IL12RB2: variants seen among roughly 807,000 people sequenced by gnomAD.
IL12RB2 encodes the protein interleukin-12 receptor subunit beta-2.
In IL12RB2, 82 loss-of-function variants were observed where a neutral mutation model predicts 89.4. The observed-to-expected ratio is 0.92, with a 90% confidence interval of 0.77 to 1.10. The LOEUF (loss-of-function observed/expected upper bound fraction) is 1.10. Among genes scored for constraint, IL12RB2 ranks in the 50% least tolerant of loss-of-function variants. The pLI is 0.00. For missense variants in IL12RB2, 963 were observed against 1,031.9 expected (o/e 0.93, Z 0.92); for synonymous variants, 368 against 370.1 (o/e 0.99, Z 0.07).
chr1:67,367,574 G>A (rs952758463), intron 10 of IL12RB2, among the ~76,000 whole-genome samples: 1 of 151,920 alleles, frequency 6.6e-6, no homozygotes, highest in Non-Finnish European at 1.5e-5. Flanking sequence ...AGTAAAGAAA[G>A]AGAAAGGAAA....
intron 6 of IL12RB2, among the ~76,000 whole-genome samples, chr1:67,328,842 T>C (rs1657678822): frequency 6.6e-6 from 1 of 152,218 alleles, no homozygotes; most frequent in African/African-American, 2.4e-5. Context: ...AAGTCACAGA[T>C]GCATCTTGCT....
At chr1:67,310,140 C>T (rs921758391) in intron 1 of IL12RB2, among the ~76,000 whole-genome samples, 10 of 144,396 alleles carry the variant, frequency 6.9e-5, no homozygotes, top group African/African-American at 2.4e-4. Context: ...GCAGAGATCA[C>T]GCCACTGCAC....
chr1:67,311,418 T>C (rs1298219298), intron 1 of IL12RB2, among the ~76,000 whole-genome samples: 1 of 152,238 alleles, frequency 6.6e-6, no homozygotes, highest in Non-Finnish European at 1.5e-5. Flanking sequence ...AAGCATAGAA[T>C]GTAATTCGAA....
chr1:67,315,638 G>T (rs942553917), intron 2 of IL12RB2, among the ~76,000 whole-genome samples: 2 of 152,084 alleles, frequency 1.3e-5, no homozygotes, highest in African/African-American at 4.8e-5. Context: ...TATGGGACAT[G>T]GGAGACATGA....
At chr1:67,326,536 T>A (rs1657308442) in intron 4 of IL12RB2, among the ~76,000 whole-genome samples, 199 bp from the exon 5 acceptor site, 1 of 152,252 alleles carries the variant, frequency 6.6e-6, no homozygotes, top group South Asian at 2.1e-4. Context: ...TGATCCATAT[T>A]CACTACTATT....
chr1:67,334,109 G>A (rs540496239), intron 8 of IL12RB2, among the ~76,000 whole-genome samples: 1 of 152,296 alleles, frequency 6.6e-6, no homozygotes, highest in South Asian at 2.1e-4. Context: ...AAAATGAAGA[G>A]TTACCAGCTG....
chr1:67,364,528 G>A (rs932648668), intron 10 of IL12RB2, among the ~76,000 whole-genome samples: 7 of 152,332 alleles, frequency 4.6e-5, no homozygotes, highest in Admixed American at 4.6e-4. Flanking sequence ...CTTCAAAGCA[G>A]AGAAAGTTAT....
chr1:67,377,720 CCT>C (rs1664130152), intron 13 of IL12RB2, among the ~76,000 whole-genome samples: 1 of 127,366 alleles, frequency 7.9e-6, no homozygotes, highest in Admixed American at 9.4e-5. Context: ...CCCAGTTTCC[CCT>C]CTCTTTCCTT....
intron 10 of IL12RB2, among the ~76,000 whole-genome samples, chr1:67,361,294 T>C (rs190873803): frequency 1.3e-4 from 20 of 152,258 alleles, no homozygotes; most frequent in Admixed American, 1.0e-3. Context: ...AAACAACAGT[T>C]AGTTGAGATA....
intron 6 of IL12RB2, 46 bp downstream of exon 6, chr1:67,328,430 A>G: frequency 6.2e-7 from 1 of 1,610,276 alleles, no homozygotes; most frequent in Non-Finnish European, 8.5e-7. Flanking sequence ...AATTATTTTT[A>G]AAATCACTCA....
In IL12RB2 at chr1:67,386,622, T is replaced by C. The variant is rs1483434216; in HGVS notation, c.1899T>C (p.Ile633=). Residue 633 remains isoleucine, a synonymous_variant, in exon 15 of 17, where the codon ATT becomes ATC. Transcript: ENST00000674203. ...WMAFVAPSIC[I]AIIMVGIFST... is the part of the protein sequence containing the mutation. ...CGTTTGTGGCACCAAGCATTTGCAT[T>C]GCTATCATCATGGTGGGCATTTTCT... 17 of 1,613,676 alleles carry C rather than the reference T, an allele frequency of 1.1e-5. No individual in the cohort carries two copies. The highest frequency in any genetic ancestry group is 1.4e-5 in the Non-Finnish European group (16 of 1,179,794).
intron 16 of IL12RB2, among the ~76,000 whole-genome samples, chr1:67,391,167 T>A (rs1241916970): frequency 6.6e-6 from 1 of 152,108 alleles, no homozygotes; most frequent in Admixed American, 6.5e-5. Flanking sequence ...TCAGCCTCAA[T>A]AAAACAGGAG....
intron 16 of IL12RB2, among the ~76,000 whole-genome samples, chr1:67,392,165 AAAGT>A (rs1362883682): frequency 1.3e-5 from 2 of 152,208 alleles, no homozygotes; most frequent in Non-Finnish European, 2.9e-5. Context: ...AGACTTATTA[AAAGT>A]AAGACAGGAG....
At chr1:67,386,428 G>A (rs780074973) in intron 14 of IL12RB2, 151 bp from the exon 15 acceptor site, 36 of 693,552 alleles carry the variant, frequency 5.2e-5, no homozygotes, top group East Asian at 1.4e-4. Flanking sequence ...CCCATTTCCC[G>A]CACTGCATAG....
At chr1:67,362,219 C>T (rs1662135200) in intron 10 of IL12RB2, among the ~76,000 whole-genome samples, 1 of 151,106 alleles carries the variant, frequency 6.6e-6, no homozygotes, top group African/African-American at 2.4e-5. Context: ...TGCAGTGAGC[C>T]AAAATCACGC....
At chr1:67,357,572 T>C (rs927076218) in intron 10 of IL12RB2, among the ~76,000 whole-genome samples, 1 of 152,242 alleles carries the variant, frequency 6.6e-6, no homozygotes, top group Non-Finnish European at 1.5e-5. Context: ...TAAACTTCAG[T>C]TGCATTGCAT....
intron 14 of IL12RB2, among the ~76,000 whole-genome samples, chr1:67,382,615 C>G (rs1005689606): frequency 6.6e-6 from 1 of 152,114 alleles, no homozygotes; most frequent in Admixed American, 6.6e-5. Flanking sequence ...CTGTTCCCTC[C>G]TTCCATGCCT....
At chr1:67,376,599 C>CTT (rs1390080463) in intron 13 of IL12RB2, among the ~76,000 whole-genome samples, 1 of 152,176 alleles carries the variant, frequency 6.6e-6, no homozygotes, top group Non-Finnish European at 1.5e-5. Flanking sequence ...TTCTTGACTT[C>CTT]TTTCTTCTAT....
intron 16 of IL12RB2, among the ~76,000 whole-genome samples, chr1:67,391,402 C>T (rs1187027683): frequency 2.0e-5 from 3 of 147,442 alleles, no homozygotes; most frequent in Non-Finnish European, 3.0e-5. Context: ...CACACACACA[C>T]ACAAACTGCT....
Sources: gnomAD v4.1 joint callset for allele counts (sites outside exome capture counted in the v4.1 genomes callset) on GRCh38, gnomAD v4.1.1 for gene constraint, MANE v1.5 for transcripts, NCBI Gene and HGNC (gene_info 2026-07-23, HGNC 2026-07-21) for gene names.